PLXNA4: variants seen among roughly 807,000 people sequenced by gnomAD.
PLXNA4 encodes plexin A4.
In PLXNA4, 44 loss-of-function variants were observed where a neutral mutation model predicts 191.8. The ratio of observed to expected loss-of-function variants is 0.23; its 90% confidence interval spans 0.18 to 0.29. The LOEUF is 0.29. Among genes scored for constraint, PLXNA4 ranks in the 10% least tolerant of loss-of-function variants. PLXNA4 has a pLI of 1.00. For synonymous variants in PLXNA4, 1,082 were observed against 1,009.5 expected (o/e 1.07, Z -1.36); for missense variants, 1,800 against 2,488.8 (o/e 0.72, Z 5.89).
intron 4 of PLXNA4, among the ~76,000 whole-genome samples, chr7:132,283,411 C>T (rs1277132445): frequency 6.6e-6 from 1 of 152,188 alleles, no homozygotes; most frequent in Non-Finnish European, 1.5e-5. Context: ...GAAAGCTTCG[C>T]AGACCTAGGA....
chr7:132,247,866 G>A (rs950839849), intron 4 of PLXNA4, among the ~76,000 whole-genome samples: 5 of 152,170 alleles, frequency 3.3e-5, no homozygotes, highest in Non-Finnish European at 1.5e-5. Flanking sequence ...TTGCTCAAAG[G>A]GGGCAGGTAT....
chr7:132,507,700 C>G lies in PLXNA4; in HGVS notation c.994G>C (p.Asp332His), dbSNP rs1301740921. The stretch of plus-strand genomic sequence containing the variant: ...GAGAAGACGGTGAAGAGCAGGTCAT[C>G]ATCTGGATGGACTCCAAGGGTCCTG... Reference protein sequence around the residue: ...LGRTLGVHPDDDLLFTVFSKG... With the variant: ...LGRTLGVHPDHDLLFTVFSKG... Residue 332 changes from aspartate (D) to histidine (H), a missense_variant, in exon 2 of 32, where the codon GAT becomes CAT. Asp to His is a moderately conservative substitution (Grantham distance 81). Coordinates refer to ENST00000321063, the MANE Select transcript of PLXNA4 (RefSeq NM_020911.2). 6 of 1,614,216 alleles carry G rather than the reference C, an allele frequency of 3.7e-6. No individual in the cohort carries two copies. The highest frequency in any genetic ancestry group is 2.7e-5 in the African/African-American group (2 of 75,074).
intron 3 of PLXNA4, among the ~76,000 whole-genome samples, chr7:132,457,861 C>T (rs1217827179): frequency 6.6e-6 from 1 of 152,070 alleles, no homozygotes; most frequent in Non-Finnish European, 1.5e-5. Flanking sequence ...GGAATGCAGC[C>T]CCAGAGGCTG....
At chr7:132,294,119 C>T (rs546762709) in intron 4 of PLXNA4, among the ~76,000 whole-genome samples, 30 of 152,298 alleles carry the variant, frequency 2.0e-4, no homozygotes, top group African/African-American at 7.0e-4. Flanking sequence ...AGACTAAGTG[C>T]TATGGATAAA....
chr7:132,525,384 G>A (rs1198277977), intron 1 of PLXNA4, among the ~76,000 whole-genome samples: 1 of 152,062 alleles, frequency 6.6e-6, no homozygotes, highest in Non-Finnish European at 1.5e-5. Context: ...TGGGTAGCTG[G>A]GACAGCATGC....
At chr7:132,365,370 C>T (rs980725485) in intron 3 of PLXNA4, among the ~76,000 whole-genome samples, 9 of 139,274 alleles carry the variant, frequency 6.5e-5, no homozygotes, top group Middle Eastern at 3.8e-3. Context: ...TGCGTGCGCG[C>T]GCATGCATGG....
intron 2 of PLXNA4, among the ~76,000 whole-genome samples, chr7:132,631,973 G>T (rs895212777): frequency 6.6e-6 from 1 of 152,212 alleles, no homozygotes; most frequent in African/African-American, 2.4e-5. Flanking sequence ...AGTGGCTCAT[G>T]CCTGTAATCC....
chr7:132,626,137 C>T (rs1303181473), intron 2 of PLXNA4, among the ~76,000 whole-genome samples: 4 of 152,146 alleles, frequency 2.6e-5, no homozygotes, highest in African/African-American at 9.7e-5. Flanking sequence ...CTTCACTCAC[C>T]ACCACCAATC....
At chr7:132,528,426 C>T (rs1225692210) in intron 1 of PLXNA4, among the ~76,000 whole-genome samples, 3 of 152,312 alleles carry the variant, frequency 2.0e-5, no homozygotes, top group African/African-American at 7.2e-5. Context: ...GGCCGCACCC[C>T]AGAAGCAGGC....
At chr7:132,610,403 A>G (rs990138561) in intron 2 of PLXNA4, among the ~76,000 whole-genome samples, 16 of 152,328 alleles carry the variant, frequency 1.1e-4, no homozygotes, top group African/African-American at 3.8e-4. Flanking sequence ...ACTGGCAGGC[A>G]TTTGGAGGGC....
Position 132,146,661 on chromosome 7 carries a change from C to T in PLXNA4, c.4904G>A (p.Arg1635His), listed in dbSNP as rs754615235. 1.1e-5 allele frequency: 18 copies of T among 1,614,176 alleles called. No individual in the cohort carries two copies. Among genetic ancestry groups the T allele is most frequent in the East Asian group, 6.7e-5 (3 of 44,874 alleles). Residue 1635 changes from arginine to histidine, a missense_variant, in exon 28 of 32, where the codon CGC becomes CAC. By Grantham distance (29) the Arg-to-His change is conservative. Around this residue, in one of 6 missense-constraint regions of PLXNA4, gnomAD observed 214 missense variants for 298.2 expected, o/e 0.72. Coordinates refer to ENST00000321063, the MANE Select transcript of PLXNA4 (RefSeq NM_020911.2). ...AGGAGTGATCATAGGTGTCCGTGAG[C>T]GGAGGCTGTCGGGGCTGCCCGTGTA... ...IRYTGSPDSL[R>H]SRTPMITPDL...
At chr7:132,239,671 A>G (rs1252484673) in intron 5 of PLXNA4, among the ~76,000 whole-genome samples, 1 of 152,180 alleles carries the variant, frequency 6.6e-6, no homozygotes, top group Non-Finnish European at 1.5e-5. Flanking sequence ...ATCTGAGCCA[A>G]TCTGCATTCT....
chr7:132,605,817 A>T (rs545615595), intron 2 of PLXNA4, among the ~76,000 whole-genome samples: 1 of 152,324 alleles, frequency 6.6e-6, no homozygotes, highest in African/African-American at 2.4e-5. Context: ...ATTTGGACAC[A>T]GAGAGACCCA....
intron 2 of PLXNA4, among the ~76,000 whole-genome samples, chr7:132,588,114 G>A (rs1338127790): frequency 2.0e-5 from 3 of 151,818 alleles, no homozygotes; most frequent in South Asian, 4.2e-4. Context: ...GCTAGAACAG[G>A]GATCTTAATG....
In PLXNA4 at chr7:132,507,757, C is replaced by A. The variant is rs138356216; in HGVS notation, c.937G>T (p.Ala313Ser). ...SGVEYRLLQA[A>S]YLSKAGAVLG... Reference sequence around the variant, plus strand: ...ACGGCCCCCGCTTTGGACAGGTAGGCAGCCTGCAGCAGGCGGTACTCCACC... The same window carrying A: ...ACGGCCCCCGCTTTGGACAGGTAGGAAGCCTGCAGCAGGCGGTACTCCACC... Residue 313 changes from alanine to serine, a missense_variant, in exon 2 of 32, where the codon GCC (alanine) becomes TCC (serine). Coordinates refer to ENST00000321063, the MANE Select transcript of PLXNA4 (RefSeq NM_020911.2). The A allele has an allele frequency of 6.2e-7, 1 of 1,614,134 alleles. No individual in the cohort carries two copies. The highest frequency in any genetic ancestry group is 1.7e-5 in the Admixed American group (1 of 60,020).
At chr7:132,139,349 G>GCTGT (rs1795201296) in intron 30 of PLXNA4, among the ~76,000 whole-genome samples, 1 of 152,154 alleles carries the variant, frequency 6.6e-6, no homozygotes, top group Non-Finnish European at 1.5e-5. Context: ...AAAGACAGAG[G>GCTGT]CTGTCTCTAT....
At chr7:132,509,228 TTGTCCGG>T (rs1174314240) in intron 1 of PLXNA4, among the ~76,000 whole-genome samples, 1 of 152,014 alleles carries the variant, frequency 6.6e-6, no homozygotes, top group Non-Finnish European at 1.5e-5. Flanking sequence ...GCTGCAAGCT[TTGTCCGG>T]TGTTCCCCAC....
At chr7:132,603,249 G>GA (rs35682777) in intron 2 of PLXNA4, among the ~76,000 whole-genome samples, 138,422 of 151,054 alleles carry the variant, frequency 0.92, 64,046 homozygotes, top group Non-Finnish European at 0.99. Flanking sequence ...TCTCTTTATT[G>GA]AAAAAAAAAT....
chr7:132,202,002 GGA>G lies in PLXNA4; in HGVS notation c.2586+642_2586+643del, dbSNP rs561512300. Among the ~76,000 whole-genome samples, 14 of 152,308 alleles carry G rather than the reference GGA, an allele frequency of 9.2e-5. No homozygotes were observed. In the East Asian group the frequency reaches 2.7e-3, roughly 29 times the overall value. On this transcript the variant is annotated intron_variant, in intron 12 of 31. Coordinates refer to ENST00000321063, the MANE Select transcript of PLXNA4 (RefSeq NM_020911.2). ...CGCACATGTGAGGAAGGTGAGGTGTGGAGATACTGGTGATTTAGCCCCAAGGT... is the reference window on the plus strand; with the variant it reads ...CGCACATGTGAGGAAGGTGAGGTGTGGATACTGGTGATTTAGCCCCAAGGT...
Sources: allele counts gnomAD v4.1 joint callset (sites outside exome capture counted in the v4.1 genomes callset), GRCh38; gene constraint gnomAD v4.1.1; regional missense constraint gnomAD v4.1.1; transcripts MANE v1.5; gene names NCBI Gene and HGNC (gene_info 2026-07-23, HGNC 2026-07-21).